The following XXYLT1 variants were observed in gnomAD, a reference collection of about 807,000 sequenced individuals.
The protein encoded by XXYLT1 is xyloside xylosyltransferase 1, also known as UDP-xylose:alpha-xyloside alpha-1,3-xylosyltransferase.
Under a neutral mutation model 28.9 loss-of-function variants are expected in XXYLT1, and 20 were observed. The ratio of observed to expected loss-of-function variants is 0.69; its 90% CI spans 0.49 to 1.00. The LOEUF (loss-of-function observed/expected upper bound fraction) is 1.00, where lower values mean the gene tolerates loss of function less well. Ranked by LOEUF, XXYLT1 falls within the 50% of genes least tolerant of loss-of-function variation. The probability of loss-of-function intolerance (pLI) is 0.00; values close to 1 mark genes in which losing one functional copy is unlikely to be tolerated. For synonymous variants in XXYLT1, 257 were observed against 253.8 expected, an observed-to-expected ratio of 1.01 and a Z score of -0.12; for missense variants, 542 against 560.1, an observed-to-expected ratio of 0.97 and a Z score of 0.33.
Position 195,115,687 on chromosome 3 carries a change from G to T in XXYLT1, c.785+40762C>A, listed in dbSNP as rs1159258249. 6.6e-6 allele frequency among the ~76,000 whole-genome samples: 1 copy of T among 152,206 alleles called. No homozygotes were observed. Among genetic ancestry groups the T allele is most frequent in the Non-Finnish European group, 1.5e-5 (1 of 68,028 alleles). Reference sequence around the variant, plus strand: ...GCAGTAACCCCCTCGTCTGGCTCCGGCAGCACACCGTGTGCGCTCTCACCT... The same window carrying T: ...GCAGTAACCCCCTCGTCTGGCTCCGTCAGCACACCGTGTGCGCTCTCACCT... On this transcript the variant is annotated intron_variant, in intron 3 of 3. Transcript: ENST00000310380. This position sits in a 1 kb window ranked among gnomAD's most constrained non-coding sequence, Gnocchi z 4.2.
intron 3 of XXYLT1, among the ~76,000 whole-genome samples, chr3:195,149,466 C>T (rs1365657556): frequency 6.6e-6 from 1 of 152,202 alleles, no homozygotes; most frequent in African/African-American, 2.4e-5. Context: ...TGGAAGCAAG[C>T]AAAGGGCCAG....
rs1391596596 is a variant in XXYLT1, at chr3:195,162,389, G to GA, written c.653-5809dup. Among the ~76,000 whole-genome samples, 10 of 152,298 alleles carry GA rather than the reference G, an allele frequency of 6.6e-5. No individual in the cohort carries two copies. In the East Asian group the frequency reaches 1.9e-3, roughly 29 times the overall value. On this transcript the variant is annotated intron_variant, in intron 2 of 3. Coordinates refer to ENST00000310380, the MANE Select transcript of XXYLT1 (RefSeq NM_152531.5). Reference sequence around the variant, plus strand: ...GCCCCTCCTCGGATGGTCGGGGGGAGAAAGGAAACAGAGTTCATAGAGTGA... The same window carrying GA: ...GCCCCTCCTCGGATGGTCGGGGGGAGAAAAGGAAACAGAGTTCATAGAGTGA...
chr3:195,191,603 C>T (rs973494867), intron 2 of XXYLT1, among the ~76,000 whole-genome samples: 3 of 152,166 alleles, frequency 2.0e-5, no homozygotes, highest in African/African-American at 7.2e-5. Context: ...CAAGGGCCAA[C>T]TGCATAAACT....
chr3:195,071,871 G>A (rs1035164771), intron 3 of XXYLT1, among the ~76,000 whole-genome samples: 2 of 152,118 alleles, frequency 1.3e-5, no homozygotes, highest in Non-Finnish European at 2.9e-5. Flanking sequence ...TTTACCCTTC[G>A]AGGGGTGGGA....
At chr3:195,264,394 C>T (rs764870041) in intron 1 of XXYLT1, among the ~76,000 whole-genome samples, 2 of 152,250 alleles carry the variant, frequency 1.3e-5, no homozygotes, top group Non-Finnish European at 2.9e-5. Flanking sequence ...GTGCCTCGGA[C>T]GGAGTCCCGC....
chr3:195,070,987 G>T (rs1714772219), intron 3 of XXYLT1, among the ~76,000 whole-genome samples: 1 of 152,220 alleles, frequency 6.6e-6, no homozygotes, highest in Non-Finnish European at 1.5e-5. Flanking sequence ...ATCTGGAGGG[G>T]AGAAGAAAGA....
intron 3 of XXYLT1, among the ~76,000 whole-genome samples, chr3:195,142,754 GC>G (rs776969430): frequency 6.6e-6 from 1 of 152,370 alleles, no homozygotes; most frequent in East Asian, 1.9e-4. Flanking sequence ...CATGCGGCCA[GC>G]CCGCCCAGGC....
chr3:195,130,872 T>G (rs986235409), intron 3 of XXYLT1, among the ~76,000 whole-genome samples: 3 of 152,002 alleles, frequency 2.0e-5, no homozygotes. Flanking sequence ...GGAAGAGGTC[T>G]TTATGCTGCA....
chr3:195,148,140 C>T (rs139327582), intron 3 of XXYLT1: 2 of 152,350 alleles, frequency 1.3e-5, no homozygotes, highest in African/African-American at 4.8e-5. Flanking sequence ...AACACAATCC[C>T]GCTTGGGTTC....
chr3:195,124,665 C>CA lies in XXYLT1; in HGVS notation c.785+31783dup, dbSNP rs1318030884. ...AACTAATGAGCACATGCCTTACTGT[C>CA]AACTTCCAAAAACCCAAGACACTTT... is the stretch of plus-strand genomic sequence containing the variant. On this transcript the variant is annotated intron_variant, in intron 3 of 3. Transcript: ENST00000310380. This position sits in a 1 kb window ranked among gnomAD's most constrained non-coding sequence, Gnocchi z 4.1. 1.3e-5 allele frequency among the ~76,000 whole-genome samples: 2 copies of CA among 152,198 alleles called. No individual in the cohort carries two copies. Among genetic ancestry groups the CA allele is most frequent in the African/African-American group, 2.4e-5 (1 of 41,450 alleles).
intron 2 of XXYLT1, among the ~76,000 whole-genome samples, chr3:195,203,690 G>T (rs1263107451): frequency 1.4e-5 from 2 of 147,618 alleles, no homozygotes; most frequent in Admixed American, 6.6e-5. Flanking sequence ...GGATTCCTCC[G>T]CCCAGTGTTT....
chr3:195,160,564 T>A (rs535074356), intron 2 of XXYLT1, among the ~76,000 whole-genome samples: 1 of 152,234 alleles, frequency 6.6e-6, no homozygotes, highest in African/African-American at 2.4e-5. Flanking sequence ...TGCAGCAATA[T>A]GCCACCTGCC....
chr3:195,114,394 C>T (rs755946161), intron 3 of XXYLT1, among the ~76,000 whole-genome samples: 13 of 152,180 alleles, frequency 8.5e-5, no homozygotes, highest in South Asian at 2.1e-4. Flanking sequence ...CTTCCACCTG[C>T]GTTGAGCTTC....
chr3:195,177,936 T>TAAAAAAAAAAAAAA (rs56022005), intron 2 of XXYLT1, among the ~76,000 whole-genome samples: 2 of 115,616 alleles, frequency 1.7e-5, no homozygotes, highest in African/African-American at 7.1e-5. Context: ...CTCTGTCTCT[T>TAAAAAAAAAAAAAA]AAAAAAAAAA....
At chr3:195,166,626 CT>C (rs540753313) in intron 2 of XXYLT1, among the ~76,000 whole-genome samples, 77 of 152,130 alleles carry the variant, frequency 5.1e-4, no homozygotes, top group Admixed American at 2.0e-3. Context: ...ATTCTTCAGT[CT>C]TTCTTTGTTT....
At chr3:195,151,890 G>A (rs573454957) in intron 3 of XXYLT1, among the ~76,000 whole-genome samples, 20 of 151,706 alleles carry the variant, frequency 1.3e-4, no homozygotes, top group Admixed American at 1.3e-3. Context: ...AGGGAGGGAG[G>A]GAGGGAGGGA....
rs150602747 is a variant in XXYLT1 at position 195,263,228 on chromosome 3, A to G, written c.504+7327T>C. Among the ~76,000 whole-genome samples the G allele has an allele frequency of 5.7e-3, 863 of 152,296 alleles. 4 individuals carry two copies. Among genetic ancestry groups the G allele is most frequent in the African/African-American group, 0.012 (489 of 41,550 alleles). On this transcript the variant is annotated intron_variant, in intron 1 of 3. Coordinates refer to ENST00000310380, the MANE Select transcript of XXYLT1 (RefSeq NM_152531.5). ...AGAAACTCTGAGAATCCCCTACTGC[A>G]TTTTAACATTTGTCCAGTATTCCTA...
At chr3:195,218,522 C>G (rs1340901386) in intron 2 of XXYLT1, among the ~76,000 whole-genome samples, 6 of 150,346 alleles carry the variant, frequency 4.0e-5, no homozygotes, top group African/African-American at 1.2e-4. Flanking sequence ...ACAGACACTT[C>G]TCAAAAGAAG....
At chr3:195,201,851 A>C (rs897174692) in intron 2 of XXYLT1, among the ~76,000 whole-genome samples, 5 of 152,074 alleles carry the variant, frequency 3.3e-5, no homozygotes, top group Admixed American at 6.6e-5. Context: ...CCTCCCCTCC[A>C]TCCGCACAGG....
Sources: allele counts gnomAD v4.1 joint callset (sites outside exome capture counted in the v4.1 genomes callset), GRCh38; gene constraint gnomAD v4.1.1; non-coding constraint Gnocchi (gnomAD v3.1); transcripts MANE v1.5; gene names NCBI Gene and HGNC (gene_info 2026-07-23, HGNC 2026-07-21).